Variants in RUFY3 observed in about 807,000 individuals in gnomAD.
RUFY3 encodes protein RUFY3.
In RUFY3, 34 loss-of-function variants were observed where a neutral mutation model predicts 84.0. The observed-to-expected ratio is 0.40, with a 90% CI of 0.31 to 0.54. The LOEUF is 0.54. RUFY3 is among the 20% of genes least tolerant of loss of function. The probability of loss-of-function intolerance (pLI) is 0.39; values close to 1 mark genes in which losing one functional copy is unlikely to be tolerated. For synonymous variants in RUFY3, 242 were observed against 252.9 expected, an observed-to-expected ratio of 0.96 and a Z score of 0.41; for missense variants, 507 against 736.8, an observed-to-expected ratio of 0.69 and a Z score of 3.61.
rs188621446 is a variant in RUFY3 at position 70,775,434 on chromosome 4, A to G, written c.824+201A>G. Among the ~76,000 whole-genome samples the G allele has an allele frequency of 6.0e-4, 91 of 151,542 alleles. 1 individual carries two copies. The highest frequency in any genetic ancestry group is 5.9e-5 in the Non-Finnish European group (4 of 67,894). On this transcript the variant is annotated intron_variant, in intron 7 of 17. Coordinates refer to ENST00000381006, the MANE Select transcript of RUFY3 (RefSeq NM_001037442.4). ...TGACCTTTAGTGAAAGGCAGTATAT[A>G]ATGTTATATATAATATATAATAACA...
chr4:70,742,875 TC>T (rs1321252722), intron 1 of RUFY3, among the ~76,000 whole-genome samples: 5 of 152,212 alleles, frequency 3.3e-5, no homozygotes, highest in African/African-American at 1.2e-4. Flanking sequence ...TCATCTCTTT[TC>T]CTTTGGTCAA....
intron 1 of RUFY3, among the ~76,000 whole-genome samples, chr4:70,761,469 C>T (rs540996589): frequency 6.6e-6 from 1 of 152,262 alleles, no homozygotes; most frequent in South Asian, 2.1e-4. Context: ...GTGACTTGCC[C>T]GAGGTCATAC....
chr4:70,714,772 A>G (rs1741383079), intron 1 of RUFY3, among the ~76,000 whole-genome samples: 1 of 152,200 alleles, frequency 6.6e-6, no homozygotes. Context: ...GGAGCTAGTT[A>G]TTTAGTTTCA....
chr4:70,704,762 C>A (rs910952907), upstream of RUFY3: 1 of 392,096 alleles, frequency 2.6e-6, no homozygotes, highest in Admixed American at 4.8e-5. Context: ...CCTGGCGGGG[C>A]GGGCTGTGGG....
intron 1 of RUFY3, among the ~76,000 whole-genome samples, chr4:70,739,650 A>G (rs1720977761): frequency 1.3e-5 from 2 of 152,160 alleles, no homozygotes; most frequent in African/African-American, 4.8e-5. Context: ...GGCTACCTCA[A>G]GAAGAGATTT....
chr4:70,796,534 T>G (rs1223310919), intron 14 of RUFY3, among the ~76,000 whole-genome samples: 2 of 152,234 alleles, frequency 1.3e-5, no homozygotes, highest in Non-Finnish European at 2.9e-5. Context: ...ACAACAGTTT[T>G]GGCACCCATC....
chr4:70,711,020 C>T (rs958971884), intron 1 of RUFY3, among the ~76,000 whole-genome samples: 8 of 143,986 alleles, frequency 5.6e-5, no homozygotes, highest in African/African-American at 2.1e-4. Context: ...AGCCAAGATC[C>T]GCCACTACAC....
chr4:70,778,755 T>C (rs1162293626), intron 8 of RUFY3, among the ~76,000 whole-genome samples: 1 of 151,976 alleles, frequency 6.6e-6, no homozygotes, highest in Non-Finnish European at 1.5e-5. Context: ...ATTTTGTATT[T>C]TTTTAGTAGA....
At chr4:70,775,959 G>GAAAAAAAAAAAAAAAAAAA (rs962485507) in intron 7 of RUFY3, among the ~76,000 whole-genome samples, 1 of 110,698 alleles carries the variant, frequency 9.0e-6, no homozygotes, top group Non-Finnish European at 1.7e-5. Flanking sequence ...AAAAAAAAAC[G>GAAAAAAAAAAAAAAAAAAA]AAAAAAAAGA....
chr4:70,750,990 G>A (rs1372840379), intron 1 of RUFY3, among the ~76,000 whole-genome samples: 1 of 152,048 alleles, frequency 6.6e-6, no homozygotes, highest in African/African-American at 2.4e-5. Context: ...GTGGACATTT[G>A]GCTTGTTTCA....
chr4:70,795,696 T>C (rs576141971), intron 14 of RUFY3, among the ~76,000 whole-genome samples: 34 of 152,332 alleles, frequency 2.2e-4, no homozygotes, highest in African/African-American at 7.5e-4. Context: ...CAAGAGACTT[T>C]AGTAAGTGAT....
Position 70,722,514 on chromosome 4 carries a change from G to T in RUFY3, c.-60G>T. On this transcript the variant is annotated 5_prime_UTR_variant, in exon 1 of 18. Transcript: ENST00000381006. The stretch of plus-strand genomic sequence containing the variant: ...GTGAGGAGGTTGTATTTATTTTTTT[G>T]GTGTGTGTGTGTGAGTGTGTGTGTG... 9 of 1,430,934 alleles carry T rather than the reference G, an allele frequency of 6.3e-6. No homozygotes were observed. Among genetic ancestry groups the T allele is most frequent in the Admixed American group, 4.3e-5 (2 of 45,992 alleles). 88.6% of individuals were successfully genotyped at this position (1,430,934 alleles called of 1,614,324 possible). A position where few individuals can be genotyped will look rare whatever the true frequency, so the allele number is the denominator to read the frequency against.
intron 5 of RUFY3, among the ~76,000 whole-genome samples, chr4:70,772,924 G>A (rs1727230464): frequency 6.6e-6 from 1 of 152,180 alleles, no homozygotes; most frequent in Non-Finnish European, 1.5e-5. Flanking sequence ...GCCTCCCAAA[G>A]TGCTGGGATT....
chr4:70,746,567 C>A (rs541128704), intron 1 of RUFY3, among the ~76,000 whole-genome samples: 12 of 149,246 alleles, frequency 8.0e-5, no homozygotes, highest in African/African-American at 2.2e-4. Context: ...TAGCTAACAA[C>A]TTTTTTCCTT....
intron 1 of RUFY3, among the ~76,000 whole-genome samples, chr4:70,716,573 G>A (rs984188162): frequency 6.6e-6 from 1 of 152,136 alleles, no homozygotes; most frequent in Non-Finnish European, 1.5e-5. Flanking sequence ...GCCAGGTGCG[G>A]TGGCTCATGC....
Position 70,722,675 on chromosome 4 carries a change from C to T in RUFY3, c.102C>T (p.Ser34=). 6.2e-7 allele frequency: 1 copy of T among 1,614,036 alleles called. No individual in the cohort carries two copies. Among genetic ancestry groups the T allele is most frequent in the Admixed American group, 1.7e-5 (1 of 59,994 alleles). Residue 34 remains serine (S), a synonymous_variant, in exon 1 of 18, where the codon TCC becomes TCT. Coordinates refer to ENST00000381006, the MANE Select transcript of RUFY3 (RefSeq NM_001037442.4). ...TCTACCTTTGCAAATTCCGAGTGTC[C>T]ATGGATGGAGAATGGCTCTGCCTGC... ...ETIYLCKFRV[S]MDGEWLCLRE...
rs764780067 is a variant in RUFY3 at position 70,778,379 on chromosome 4, A to G, written c.835A>G (p.Asn279Asp). 1.3e-6 allele frequency: 2 copies of G among 1,596,212 alleles called. No individual in the cohort carries two copies. Among genetic ancestry groups the G allele is most frequent in the Non-Finnish European group, 1.7e-6 (2 of 1,164,468 alleles). The change falls in exon 8 of 18, where the codon AAC becomes GAC. Residue 279 changes from asparagine (N) to aspartate (D), a missense_variant. Coordinates refer to ENST00000381006, the MANE Select transcript of RUFY3 (RefSeq NM_001037442.4). ...ELNRHLNATV[N>D]NLQAKVDALE... Reference sequence around the variant, plus strand: ...TTCTCTATATTATAGTGCTACTGTAAACAACCTTCAGGCAAAAGTAGATGC... The same window carrying G: ...TTCTCTATATTATAGTGCTACTGTAGACAACCTTCAGGCAAAAGTAGATGC...
chr4:70,773,540 C>T lies in RUFY3; in HGVS notation c.726C>T (p.Leu242=). 6.2e-7 allele frequency: 1 copy of T among 1,611,604 alleles called. No individual in the cohort carries two copies. Among genetic ancestry groups the T allele is most frequent in the Non-Finnish European group, 8.5e-7 (1 of 1,177,946 alleles). Residue 242 remains leucine, a synonymous_variant, in exon 6 of 18, where the codon CTC becomes CTT. Transcript: ENST00000381006. ...GAGTTATAGATTTTTCAATGTATCT[C>T]AAGGACGGGAACAGCAGTAAAGGTA... ...QVGVIDFSMY[L]KDGNSSKGTE... is the part of the protein sequence containing the mutation.
chr4:70,705,460 GC>G (rs1371410787), intron 1 of RUFY3, among the ~76,000 whole-genome samples: 1 of 152,150 alleles, frequency 6.6e-6, no homozygotes, highest in Non-Finnish European at 1.5e-5. Context: ...CTCCCGAGGC[GC>G]CCGGTGAGGA....
Sources: gnomAD v4.1 joint callset for allele counts (sites outside exome capture counted in the v4.1 genomes callset) on GRCh38, gnomAD v4.1.1 for gene constraint, MANE v1.5 for transcripts, NCBI Gene and HGNC (gene_info 2026-07-23, HGNC 2026-07-21) for gene names.